The following ZC3H12B variants were observed in gnomAD, a reference collection of about 807,000 sequenced individuals.
ZC3H12B encodes the protein zinc finger CCCH-type containing 12B, also known as probable ribonuclease ZC3H12B.
A neutral mutation model predicts 43.9 loss-of-function variants in ZC3H12B; 7 were observed. The ratio of observed to expected loss-of-function variants is 0.16; its 90% CI spans 0.09 to 0.30. The LOEUF (loss-of-function observed/expected upper bound fraction) is 0.30. Ranked by LOEUF, ZC3H12B falls within the 10% of genes least tolerant of loss-of-function variation. ZC3H12B has a pLI of 1.00. For missense variants in ZC3H12B, 475 were observed against 670.2 expected (o/e 0.71, Z 3.22); for synonymous variants, 222 against 241.7 (o/e 0.92, Z 0.76).
intron 3 of ZC3H12B, among the ~76,000 whole-genome samples, chrX:65,480,484 A>G: frequency 8.9e-6 from 1 of 112,300 alleles, no homozygotes; most frequent in East Asian, 2.8e-4. Context: ...GCTAATGTCA[A>G]ATGGTCTTTA....
chrX:65,352,995 G>A, the ZC3H12B span, among the ~76,000 whole-genome samples: 212 of 109,907 alleles, frequency 1.9e-3, no homozygotes, highest in African/African-American at 6.7e-3. Context: ...CTACAGGTGC[G>A]CGCCTCCACG....
chrX:65,036,706 A>AT, the ZC3H12B span, among the ~76,000 whole-genome samples: 12,130 of 107,246 alleles, frequency 0.11, 1,640 homozygotes, highest in African/African-American at 0.37. Flanking sequence ...TCCAAAGGTA[A>AT]TTTTTTTTTT....
chrX:65,313,125 G>A, the ZC3H12B span, among the ~76,000 whole-genome samples: 2 of 111,384 alleles, frequency 1.8e-5, no homozygotes, highest in Non-Finnish European at 3.8e-5. Context: ...CAAGTGATTC[G>A]CTCATCTTGG....
the ZC3H12B span, among the ~76,000 whole-genome samples, chrX:65,202,580 A>G: frequency 9.0e-6 from 1 of 110,821 alleles, no homozygotes; most frequent in Non-Finnish European, 1.9e-5. Context: ...TTAAAAACAA[A>G]CAAACAAACA....
chrX:65,147,417 G>C, the ZC3H12B span, among the ~76,000 whole-genome samples: 1 of 111,722 alleles, frequency 9.0e-6, no homozygotes, highest in Non-Finnish European at 1.9e-5. Flanking sequence ...GTTGGGCTCA[G>C]AGCTTGGGTC....
the ZC3H12B span, among the ~76,000 whole-genome samples, chrX:65,055,580 A>T: frequency 8.9e-6 from 1 of 111,946 alleles, no homozygotes; most frequent in African/African-American, 3.2e-5. Context: ...AGGCTTTGGT[A>T]TCAGGATGAT....
the ZC3H12B span, among the ~76,000 whole-genome samples, chrX:65,257,919 G>A: frequency 1.8e-5 from 2 of 111,094 alleles, no homozygotes; most frequent in Non-Finnish European, 3.8e-5. Context: ...AAGCCCAAGA[G>A]CAGGCAAATT....
the ZC3H12B span, chrX:65,186,656 C>G: frequency 3.5e-4 from 39 of 110,056 alleles, no homozygotes; most frequent in African/African-American, 1.3e-3. Context: ...TACACTGTAC[C>G]CAATGTGTAG....
At chrX:65,093,351 C>A in the ZC3H12B span, among the ~76,000 whole-genome samples, 8 of 111,820 alleles carry the variant, frequency 7.2e-5, no homozygotes, top group African/African-American at 2.6e-4. Flanking sequence ...TGGGTCACTG[C>A]CTGGTGAAGC....
chrX:65,429,163 C>T (rs1274550401), intron 3 of ZC3H12B, among the ~76,000 whole-genome samples: 1 of 112,304 alleles, frequency 8.9e-6, no homozygotes. Flanking sequence ...TGCCCTATTG[C>T]CAGCCTGAAC....
the ZC3H12B span, among the ~76,000 whole-genome samples, chrX:65,075,491 GAC>G: frequency 8.9e-6 from 1 of 111,867 alleles, no homozygotes; most frequent in African/African-American, 3.3e-5. Context: ...CAGACATCTA[GAC>G]TATGCCAGTC....
the ZC3H12B span, among the ~76,000 whole-genome samples, chrX:65,349,524 C>A: frequency 4.7e-4 from 52 of 111,454 alleles, no homozygotes; most frequent in African/African-American, 1.6e-3. Flanking sequence ...CAGAGCAGAA[C>A]TGAAGGAGAT....
At chrX:65,244,037 A>C in the ZC3H12B span, among the ~76,000 whole-genome samples, 18 of 111,533 alleles carry the variant, frequency 1.6e-4, no homozygotes, top group African/African-American at 5.5e-4. Flanking sequence ...TTAGAGGGTA[A>C]AAGACCTAGT....
the ZC3H12B span, among the ~76,000 whole-genome samples, chrX:65,068,976 C>T: frequency 9.2e-6 from 1 of 108,671 alleles, no homozygotes. Flanking sequence ...TAAGGTTTCT[C>T]CTGAGAAGTC....
intron 2 of ZC3H12B, among the ~76,000 whole-genome samples, chrX:65,371,744 G>T (rs1439693766): frequency 1.8e-5 from 2 of 111,886 alleles, no homozygotes; most frequent in African/African-American, 6.5e-5. Context: ...ATCATTTGAA[G>T]AAAGTGGTTA....
At chrX:65,444,273 G>C (rs962087267) in intron 3 of ZC3H12B, among the ~76,000 whole-genome samples, 1 of 112,293 alleles carries the variant, frequency 8.9e-6, no homozygotes, top group Non-Finnish European at 1.9e-5. Context: ...AAGCAAAGAA[G>C]CAAGCTGATA....
the ZC3H12B span, among the ~76,000 whole-genome samples, chrX:65,129,507 A>C: frequency 1.8e-5 from 2 of 109,560 alleles, no homozygotes; most frequent in African/African-American, 6.7e-5. Context: ...GGGGGTCACA[A>C]GGTGCTCAGT....
the ZC3H12B span, chrX:65,328,482 C>T: frequency 3.9e-6 from 1 of 254,001 alleles, no homozygotes; most frequent in Non-Finnish European, 7.7e-6. Flanking sequence ...GGAATCTTTA[C>T]TTTATCTTCA....
chrX:65,342,377 G>A, the ZC3H12B span, among the ~76,000 whole-genome samples: 1 of 111,518 alleles, frequency 9.0e-6, no homozygotes, highest in Non-Finnish European at 1.9e-5. Context: ...TCTCCACATG[G>A]CACATACTCT....
Sources: gnomAD v4.1 joint callset for allele counts (sites outside exome capture counted in the v4.1 genomes callset) on GRCh38, gnomAD v4.1.1 for gene constraint, MANE v1.5 for transcripts, NCBI Gene and HGNC (gene_info 2026-07-23, HGNC 2026-07-21) for gene names.